POU6F2: variants seen among roughly 807,000 people sequenced by gnomAD.
The protein encoded by POU6F2 is POU class 6 homeobox 2.
A neutral mutation model predicts 71.3 loss-of-function variants in POU6F2; 31 were observed. That is an observed-to-expected ratio of 0.43 (90% CI 0.33 to 0.59). The LOEUF (loss-of-function observed/expected upper bound fraction) is 0.59, where lower values mean the gene tolerates loss of function less well. Ranked by LOEUF, POU6F2 falls within the 20% of genes least tolerant of loss-of-function variation. POU6F2 has a pLI of 0.04. For missense variants in POU6F2, 783 were observed against 856.8 expected, an observed-to-expected ratio of 0.91 and a Z score of 1.07; for synonymous variants, 347 against 355.7, an observed-to-expected ratio of 0.98 and a Z score of 0.27.
At chr7:39,208,749 G>A (rs745712902) in intron 4 of POU6F2, among the ~76,000 whole-genome samples, 4 of 152,264 alleles carry the variant, frequency 2.6e-5, no homozygotes, top group Middle Eastern at 3.4e-3. Flanking sequence ...CCCAGGATAC[G>A]CTAATGCACA....
At chr7:39,337,715 C>T (rs1266444907) in intron 4 of POU6F2, among the ~76,000 whole-genome samples, 2 of 152,144 alleles carry the variant, frequency 1.3e-5, no homozygotes, top group Non-Finnish European at 2.9e-5. Flanking sequence ...TTCATATATG[C>T]CCCTCCTGCT....
intron 1 of POU6F2, among the ~76,000 whole-genome samples, chr7:39,000,984 A>T (rs1788888779): frequency 6.6e-6 from 1 of 152,236 alleles, no homozygotes; most frequent in South Asian, 2.1e-4. Flanking sequence ...TTATCGTTTA[A>T]AATGAGTTTC....
At chr7:39,092,387 T>C (rs1480005787) in intron 2 of POU6F2, among the ~76,000 whole-genome samples, 2 of 152,210 alleles carry the variant, frequency 1.3e-5, no homozygotes, top group African/African-American at 4.8e-5. Flanking sequence ...TTTTCTTTTA[T>C]TCATGCCATT....
chr7:39,165,806 A>G (rs931896941), intron 2 of POU6F2, among the ~76,000 whole-genome samples: 11 of 152,332 alleles, frequency 7.2e-5, no homozygotes, highest in African/African-American at 2.6e-4. Flanking sequence ...AAAAATCCAG[A>G]GGCAAAAAGT....
At chr7:38,992,498 A>G (rs1243002995) in intron 1 of POU6F2, among the ~76,000 whole-genome samples, 4 of 152,218 alleles carry the variant, frequency 2.6e-5, no homozygotes, top group African/African-American at 9.6e-5. Context: ...AAGAGGGGAC[A>G]CGAGGTTCTT....
In POU6F2 at chr7:39,198,519, A is replaced by G. The variant is rs528299803; in HGVS notation, c.278-5716A>G. Among the ~76,000 whole-genome samples the G allele has an allele frequency of 3.9e-5, 6 of 152,278 alleles. No individual in the cohort carries two copies. In the South Asian group the frequency reaches 1.2e-3, roughly 32 times the overall value. ...ACTCACTGTAAGAATAAAGAAATGCATTTTTCATATTAATGTAATCAGACA... is the reference window on the plus strand; with the variant it reads ...ACTCACTGTAAGAATAAAGAAATGCGTTTTTCATATTAATGTAATCAGACA... On this transcript the variant is annotated intron_variant, in intron 2 of 9. Coordinates refer to ENST00000518318, the MANE Select transcript of POU6F2 (RefSeq NM_001370959.1).
intron 1 of POU6F2, among the ~76,000 whole-genome samples, chr7:39,067,250 C>T (rs10480173): frequency 0.83 from 124,776 of 150,190 alleles, 52,090 homozygotes; most frequent in East Asian, 1. Flanking sequence ...TTTGGGAAGA[C>T]GTGAGATTTG....
At chr7:39,009,284 A>G (rs1458146283) in intron 1 of POU6F2, among the ~76,000 whole-genome samples, 1 of 151,676 alleles carries the variant, frequency 6.6e-6, no homozygotes. Context: ...TCTTTGAAGC[A>G]ATTGTGAATG....
At chr7:39,198,254 T>C (rs1235099074) in intron 2 of POU6F2, among the ~76,000 whole-genome samples, 21 of 152,226 alleles carry the variant, frequency 1.4e-4, no homozygotes. Flanking sequence ...TAGCACAGAC[T>C]AAATCTACCT....
At chr7:39,259,288 CT>C (rs1276660628) in intron 4 of POU6F2, among the ~76,000 whole-genome samples, 8 of 152,216 alleles carry the variant, frequency 5.3e-5, no homozygotes, top group African/African-American at 1.9e-4. Context: ...TTTAAGCCAA[CT>C]GTTTACTCAG....
intron 4 of POU6F2, among the ~76,000 whole-genome samples, chr7:39,269,043 T>C (rs1046297140): frequency 6.6e-6 from 1 of 152,226 alleles, no homozygotes. Flanking sequence ...AAATACATGG[T>C]ATTTTATTAT....
rs137959948 is a variant in POU6F2 at position 39,308,994 on chromosome 7, G to A, written c.599-30648G>A. On this transcript the variant is annotated intron_variant, in intron 4 of 9. Transcript: ENST00000518318. ...GGCGCAGCCACACGCAGAGACACAC[G>A]CCACCTTTATGAGGTTTTCTACACA... is the stretch of plus-strand genomic sequence containing the variant. 2.2e-3 allele frequency among the ~76,000 whole-genome samples: 333 copies of A among 152,330 alleles called. 1 individual carries two copies. Among genetic ancestry groups the A allele is most frequent in the African/African-American group, 7.6e-3 (314 of 41,572 alleles).
At chr7:39,068,876 A>T (rs1332203308) in intron 1 of POU6F2, among the ~76,000 whole-genome samples, 1 of 152,130 alleles carries the variant, frequency 6.6e-6, no homozygotes, top group Middle Eastern at 3.2e-3. Context: ...TTTTCCAAGG[A>T]ACGTATTAAA....
At chr7:39,170,043 C>G (rs1961735) in intron 2 of POU6F2, among the ~76,000 whole-genome samples, 19,770 of 151,912 alleles carry the variant, frequency 0.13, 1,315 homozygotes, top group Middle Eastern at 0.15. Context: ...TGGCAGGCAC[C>G]TGTAATCCCA....
intron 5 of POU6F2, among the ~76,000 whole-genome samples, chr7:39,364,015 A>G (rs1786447145): frequency 6.6e-6 from 1 of 152,198 alleles, no homozygotes; most frequent in African/African-American, 2.4e-5. Context: ...TTTTAAGATG[A>G]AAACAGAAAC....
At chr7:39,197,259 A>G (rs577808755) in intron 2 of POU6F2, among the ~76,000 whole-genome samples, 4 of 152,134 alleles carry the variant, frequency 2.6e-5, no homozygotes, top group African/African-American at 7.2e-5. Flanking sequence ...GGGGAAGGTC[A>G]TATGCTCAGC....
At chr7:39,328,139 T>C (rs938246114) in intron 4 of POU6F2, among the ~76,000 whole-genome samples, 1 of 152,222 alleles carries the variant, frequency 6.6e-6, no homozygotes, top group African/African-American at 2.4e-5. Context: ...CAGGATGGTC[T>C]TGATCTCCTG....
chr7:39,395,670 AAGAACCTGTGTCT>A (rs1321451373), intron 5 of POU6F2, among the ~76,000 whole-genome samples: 5 of 152,220 alleles, frequency 3.3e-5, no homozygotes, highest in Non-Finnish European at 7.3e-5. Context: ...AAGCTCCAGA[AAGAACCTGTGTCT>A]CAGCTTTCTT....
chr7:39,138,081 A>G (rs1441831105), intron 2 of POU6F2, among the ~76,000 whole-genome samples: 1 of 152,244 alleles, frequency 6.6e-6, no homozygotes, highest in East Asian at 1.9e-4. Flanking sequence ...ATATAAGGAA[A>G]CAGTATTAAG....
Sources: gnomAD v4.1 joint callset for allele counts (sites outside exome capture counted in the v4.1 genomes callset) on GRCh38, gnomAD v4.1.1 for gene constraint, MANE v1.5 for transcripts, NCBI Gene and HGNC (gene_info 2026-07-23, HGNC 2026-07-21) for gene names.